MME: variants seen among roughly 807,000 people sequenced by gnomAD.
MME encodes the protein membrane metalloendopeptidase, also known as neprilysin.
Under a neutral mutation model 113.2 loss-of-function variants are expected in MME, and 98 were observed. The ratio of observed to expected loss-of-function variants is 0.87; its 90% CI spans 0.74 to 1.02. The LOEUF is 1.02. Among genes scored for constraint, MME ranks in the 50% least tolerant of loss-of-function variants. The pLI is 0.00. For missense variants in MME, 836 were observed against 896.0 expected (o/e 0.93, Z 0.86); for synonymous variants, 292 against 300.6 (o/e 0.97, Z 0.30).
intron 16 of MME, among the ~76,000 whole-genome samples, chr3:155,155,546 C>A (rs1722252578): frequency 6.6e-6 from 1 of 152,186 alleles, no homozygotes; most frequent in African/African-American, 2.4e-5. Flanking sequence ...GCCTACTATG[C>A]TCCCACCACT....
intron 3 of MME, among the ~76,000 whole-genome samples, chr3:155,095,671 T>C (rs1409032630): frequency 2.0e-5 from 3 of 152,094 alleles, no homozygotes; most frequent in African/African-American, 4.8e-5. Context: ...CATGCCACCA[T>C]ACCTGGCATT....
intron 3 of MME, chr3:155,089,922 T>C (rs1414022821): frequency 1.8e-5 from 8 of 439,164 alleles, no homozygotes; most frequent in Non-Finnish European, 3.2e-5. Flanking sequence ...ATTGCACGAC[T>C]GCACTCCAGC....
At chr3:155,126,755 T>G (rs1719693992) in intron 8 of MME, among the ~76,000 whole-genome samples, 1 of 152,066 alleles carries the variant, frequency 6.6e-6, no homozygotes, top group Admixed American at 6.6e-5. Context: ...ATCTCTGCAC[T>G]TTGGGAGGCC....
intron 3 of MME, among the ~76,000 whole-genome samples, chr3:155,098,170 G>A (rs1716894948): frequency 6.6e-6 from 1 of 152,160 alleles, no homozygotes; most frequent in African/African-American, 2.4e-5. Flanking sequence ...CAGGGGGCAA[G>A]GGAATGAAAT....
rs1273200179 is a variant in MME, at chr3:155,116,880, C to T, written c.548C>T (p.Thr183Ile). ...TTTATTGCTTTAGGTGCTTCTTGGA[C>T]AGCTGAAAAAGCTATTGCACAACTG... is the stretch of plus-strand genomic sequence containing the variant. Reference protein sequence around the residue: ...NWEQKYGASWTAEKAIAQLNS... With the variant: ...NWEQKYGASWIAEKAIAQLNS... The change falls in exon 7 of 23, where the codon ACA (threonine) becomes ATA (isoleucine). Residue 183 changes from threonine (T) to isoleucine (I), a missense_variant. Physicochemically the swap from Thr to Ile is moderately conservative, Grantham distance 89. Coordinates refer to ENST00000360490, the MANE Select transcript of MME (RefSeq NM_007289.4). The T allele has an allele frequency of 5.0e-6, 8 of 1,608,770 alleles. No homozygotes were observed. In the South Asian group the frequency reaches 7.7e-5, roughly 15 times the overall value.
chr3:155,111,249 A>G (rs1718164413), intron 3 of MME, among the ~76,000 whole-genome samples: 1 of 152,222 alleles, frequency 6.6e-6, no homozygotes, highest in Non-Finnish European at 1.5e-5. Context: ...ATAAGAGATT[A>G]AAGGAAGGTT....
intron 4 of MME, among the ~76,000 whole-genome samples, chr3:155,116,242 T>C (rs1718590971): frequency 6.6e-6 from 1 of 151,986 alleles, no homozygotes; most frequent in African/African-American, 2.4e-5. Context: ...TTCATCTAAA[T>C]TGGCTGATTA....
intron 3 of MME, among the ~76,000 whole-genome samples, chr3:155,101,416 C>G (rs1717205058): frequency 6.6e-6 from 1 of 151,936 alleles, no homozygotes; most frequent in Non-Finnish European, 1.5e-5. Context: ...AGGATCAGTC[C>G]CATTCCAGGC....
At chr3:155,167,150 C>G (rs1486819464) in intron 18 of MME, 129 bp downstream of exon 18, 6 of 1,242,294 alleles carry the variant, frequency 4.8e-6, no homozygotes, top group Non-Finnish European at 7.0e-6. Flanking sequence ...TTTCACCACA[C>G]TTTCAATTTT....
chr3:155,143,980 A>G (rs1162334842), intron 13 of MME, among the ~76,000 whole-genome samples: 1 of 152,204 alleles, frequency 6.6e-6, no homozygotes, highest in Non-Finnish European at 1.5e-5. Context: ...AGGAAAATGA[A>G]GACAGTGGAA....
intron 1 of MME, among the ~76,000 whole-genome samples, chr3:155,060,058 T>A (rs1714082570): frequency 6.6e-6 from 1 of 152,216 alleles, no homozygotes; most frequent in African/African-American, 2.4e-5. Context: ...ACAAATACTT[T>A]ACTTGCCACT....
chr3:155,083,156 A>G (rs1020901582), intron 1 of MME, among the ~76,000 whole-genome samples: 1 of 152,238 alleles, frequency 6.6e-6, no homozygotes, highest in Non-Finnish European at 1.5e-5. Flanking sequence ...TTTCTACAGT[A>G]CGCTTTTACT....
chr3:155,084,167 G>A lies in MME; in HGVS notation c.-1G>A, dbSNP rs1158063456. 6 of 1,613,598 alleles carry A rather than the reference G, an allele frequency of 3.7e-6. No homozygotes were observed. Among genetic ancestry groups the A allele is most frequent in the Admixed American group, 3.3e-5 (2 of 59,994 alleles). On this transcript the variant is annotated 5_prime_UTR_variant, in exon 2 of 23. Coordinates refer to ENST00000360490, the MANE Select transcript of MME (RefSeq NM_007289.4). ...TTTTCATTTTTTGCAGATTTTAGGT[G>A]ATGGGCAAGTCAGAAAGTCAGATGG...
chr3:155,151,407 G>C (rs1323012088), intron 16 of MME, among the ~76,000 whole-genome samples: 1 of 152,150 alleles, frequency 6.6e-6, no homozygotes, highest in African/African-American at 2.4e-5. Context: ...TAGCCAAATA[G>C]TAAACTTCTA....
intron 21 of MME, 54 bp downstream of exon 21, chr3:155,172,266 C>T: frequency 8.0e-7 from 1 of 1,249,138 alleles, no homozygotes; most frequent in South Asian, 1.2e-5. Context: ...GTTATAATTT[C>T]ACAGTAAGTT....
chr3:155,113,308 C>G (rs902592527), intron 3 of MME, among the ~76,000 whole-genome samples: 2 of 152,142 alleles, frequency 1.3e-5, no homozygotes, highest in African/African-American at 4.8e-5. Context: ...CTGAGATAGT[C>G]TCTCTCTGTC....
At chr3:155,144,097 A>G (rs1345698500) in intron 13 of MME, among the ~76,000 whole-genome samples, 2 of 152,192 alleles carry the variant, frequency 1.3e-5, no homozygotes, top group Admixed American at 1.3e-4. Flanking sequence ...CCAGTATGAT[A>G]GTGAAACCAT....
At chr3:155,161,378 T>C (rs1357642623) in intron 17 of MME, among the ~76,000 whole-genome samples, 1 of 152,082 alleles carries the variant, frequency 6.6e-6, no homozygotes, top group East Asian at 1.9e-4. Context: ...GAGATGATAA[T>C]CTCAGCATTA....
chr3:155,096,583 A>T (rs1408590915), intron 3 of MME, among the ~76,000 whole-genome samples: 1 of 152,200 alleles, frequency 6.6e-6, no homozygotes, highest in Non-Finnish European at 1.5e-5. Context: ...ACTTTATCAG[A>T]ATTATTGAGA....
Sources: allele counts gnomAD v4.1 joint callset (sites outside exome capture counted in the v4.1 genomes callset), GRCh38; gene constraint gnomAD v4.1.1; transcripts MANE v1.5; gene names NCBI Gene and HGNC (gene_info 2026-07-23, HGNC 2026-07-21).